The following RIMS2 variants were observed in gnomAD, a reference collection of about 807,000 sequenced individuals.
RIMS2 encodes the protein regulating synaptic membrane exocytosis 2.
In RIMS2, 59 loss-of-function variants were observed where a neutral mutation model predicts 174.4. The ratio of observed to expected loss-of-function variants is 0.34; its 90% confidence interval spans 0.27 to 0.42. RIMS2 has a LOEUF of 0.42. Ranked by LOEUF, RIMS2 falls within the 10% of genes least tolerant of loss-of-function variation. The pLI is 1.00. For synonymous variants in RIMS2, 606 were observed against 572.5 expected, an observed-to-expected ratio of 1.06 and a Z score of -0.84; for missense variants, 1,620 against 1,666.3, an observed-to-expected ratio of 0.97 and a Z score of 0.48.
At chr8:103,646,291 A>G (rs1483780579) in intron 1 of RIMS2, among the ~76,000 whole-genome samples, 1 of 152,068 alleles carries the variant, frequency 6.6e-6, no homozygotes, top group Non-Finnish European at 1.5e-5. Context: ...GACTCACTAA[A>G]TGTGTGCCAC....
At chr8:103,595,792 T>C (rs1210058033) in intron 1 of RIMS2, among the ~76,000 whole-genome samples, 2 of 151,976 alleles carry the variant, frequency 1.3e-5, no homozygotes, top group Admixed American at 6.6e-5. Context: ...AATAGTATGG[T>C]ATTTAGTCGT....
At position 103,507,286 on chromosome 8, in the gene RIMS2, A is replaced by G. The variant is rs535679213; in HGVS notation, c.176+6224A>G. 2.6e-5 allele frequency among the ~76,000 whole-genome samples: 4 copies of G among 152,116 alleles called. No individual in the cohort carries two copies. The South Asian group carries it at 6.2e-4, about 24-fold the overall frequency. On this transcript the variant is annotated intron_variant, in intron 1 of 23. Transcript: ENST00000504942. ...TATTCTTTATAACAATACCTTTTATATTTCCCCAATTATGCTTATCAAAAT... is the reference window on the plus strand; with the variant it reads ...TATTCTTTATAACAATACCTTTTATGTTTCCCCAATTATGCTTATCAAAAT...
At chr8:103,992,594 C>T (rs1311812155) in intron 17 of RIMS2, among the ~76,000 whole-genome samples, 3 of 152,112 alleles carry the variant, frequency 2.0e-5, no homozygotes, top group Admixed American at 6.6e-5. Flanking sequence ...ATTAATAGTA[C>T]TTGGTTAAAC....
intron 19 of RIMS2, among the ~76,000 whole-genome samples, chr8:104,080,971 G>GCCTA (rs1427823115): frequency 6.6e-6 from 1 of 151,974 alleles, no homozygotes; most frequent in African/African-American, 2.4e-5. Flanking sequence ...ATAGCACTAG[G>GCCTA]CCTAGCACAT....
chr8:103,814,261 G>A (rs375644200), intron 3 of RIMS2, among the ~76,000 whole-genome samples: 1 of 152,084 alleles, frequency 6.6e-6, no homozygotes, highest in Non-Finnish European at 1.5e-5. Context: ...GTGGAGGATA[G>A]GAGGAGGGAG....
At chr8:103,544,394 C>T (rs377766904) in intron 1 of RIMS2, among the ~76,000 whole-genome samples, 136 of 152,346 alleles carry the variant, frequency 8.9e-4, no homozygotes, top group African/African-American at 3.1e-3. Flanking sequence ...GCAAGTGGCC[C>T]CACCCACCTC....
At chr8:104,084,164 G>A (rs2097486803) in intron 19 of RIMS2, among the ~76,000 whole-genome samples, 1 of 151,996 alleles carries the variant, frequency 6.6e-6, no homozygotes, top group Non-Finnish European at 1.5e-5. Flanking sequence ...ACTGTGACCA[G>A]GCATGGTGGC....
At chr8:103,838,629 T>G (rs2098919140) in intron 3 of RIMS2, among the ~76,000 whole-genome samples, 1 of 152,220 alleles carries the variant, frequency 6.6e-6, no homozygotes, top group Non-Finnish European at 1.5e-5. Context: ...TACCATTCTA[T>G]TACTTCTCAA....
intron 3 of RIMS2, among the ~76,000 whole-genome samples, chr8:103,824,519 A>G (rs967793253): frequency 1.3e-5 from 2 of 152,242 alleles, no homozygotes; most frequent in Admixed American, 1.3e-4. Context: ...TTATAGGGAA[A>G]AATGGAAAAA....
At chr8:104,029,170 G>C (rs551789252) in intron 19 of RIMS2, among the ~76,000 whole-genome samples, 72 of 152,228 alleles carry the variant, frequency 4.7e-4, no homozygotes, top group Non-Finnish European at 8.2e-4. Context: ...CATATGAACC[G>C]TGAGGACAAA....
chr8:104,188,693 G>C (rs1011063603), intron 19 of RIMS2, among the ~76,000 whole-genome samples: 1 of 151,788 alleles, frequency 6.6e-6, no homozygotes, highest in African/African-American at 2.4e-5. Context: ...CAAACTTATA[G>C]AGTATGATTC....
At chr8:103,796,549 C>G (rs1226564094) in intron 3 of RIMS2, among the ~76,000 whole-genome samples, 1 of 151,974 alleles carries the variant, frequency 6.6e-6, no homozygotes, top group Non-Finnish European at 1.5e-5. Flanking sequence ...TTTTTCCTTT[C>G]CCCTATAATC....
intron 2 of RIMS2, among the ~76,000 whole-genome samples, chr8:103,711,616 C>A (rs1043265953): frequency 6.6e-6 from 1 of 152,112 alleles, no homozygotes; most frequent in Non-Finnish European, 1.5e-5. Flanking sequence ...ATATATCAGG[C>A]AGGTGCGGTG....
At chr8:104,048,610 T>C (rs2096733141) in intron 19 of RIMS2, among the ~76,000 whole-genome samples, 1 of 152,200 alleles carries the variant, frequency 6.6e-6, no homozygotes, top group African/African-American at 2.4e-5. Flanking sequence ...AAGCATTATT[T>C]GTAACAATAA....
intron 1 of RIMS2, among the ~76,000 whole-genome samples, chr8:103,561,534 C>T (rs891976526): frequency 9.9e-5 from 15 of 152,112 alleles, no homozygotes; most frequent in African/African-American, 3.6e-4. Flanking sequence ...TCTTACCCAT[C>T]GAAAGACATT....
At chr8:103,843,031 G>C (rs1205170430) in intron 3 of RIMS2, among the ~76,000 whole-genome samples, 2 of 152,122 alleles carry the variant, frequency 1.3e-5, no homozygotes, top group Non-Finnish European at 2.9e-5. Context: ...GATTGGATTA[G>C]GACCCACCCC....
chr8:103,530,492 T>C (rs1483897187), intron 1 of RIMS2, among the ~76,000 whole-genome samples: 1 of 152,098 alleles, frequency 6.6e-6, no homozygotes, highest in Non-Finnish European at 1.5e-5. Flanking sequence ...TGTATGCTAT[T>C]TATGAGATGT....
intron 3 of RIMS2, among the ~76,000 whole-genome samples, chr8:103,860,264 A>G (rs575790038): frequency 1.3e-5 from 2 of 152,306 alleles, no homozygotes; most frequent in African/African-American, 4.8e-5. Context: ...CTAGAGTACA[A>G]CACACTGGGC....
At chr8:104,060,363 T>C (rs1283905208) in intron 19 of RIMS2, among the ~76,000 whole-genome samples, 1 of 151,608 alleles carries the variant, frequency 6.6e-6, no homozygotes, top group Non-Finnish European at 1.5e-5. Context: ...TGCATAGAGT[T>C]GTTTGTAGTA....
Sources: allele counts gnomAD v4.1 joint callset (sites outside exome capture counted in the v4.1 genomes callset), GRCh38; gene constraint gnomAD v4.1.1; transcripts MANE v1.5; gene names NCBI Gene and HGNC (gene_info 2026-07-23, HGNC 2026-07-21).